BCKDHB: variants seen among roughly 807,000 people sequenced by gnomAD.
The protein encoded by BCKDHB is branched chain keto acid dehydrogenase E1 subunit beta.
Under a neutral mutation model 48.5 loss-of-function variants are expected in BCKDHB, and 41 were observed. That is an observed-to-expected ratio of 0.85 (90% CI 0.66 to 1.10). The LOEUF (loss-of-function observed/expected upper bound fraction) is 1.10. BCKDHB is among the 50% of genes least tolerant of loss of function. The probability of loss-of-function intolerance (pLI) is 0.00; values close to 1 mark genes in which losing one functional copy is unlikely to be tolerated. For missense variants in BCKDHB, 496 were observed against 494.2 expected, an observed-to-expected ratio of 1.00 and a Z score of -0.03; for synonymous variants, 201 against 174.8, an observed-to-expected ratio of 1.15 and a Z score of -1.18.
intron 6 of BCKDHB, among the ~76,000 whole-genome samples, chr6:80,178,030 C>T (rs916278593): frequency 9.9e-5 from 15 of 152,216 alleles, no homozygotes; most frequent in East Asian, 1.9e-4. Flanking sequence ...GTAGAACATA[C>T]TCTTTCCATG....
At chr6:80,239,128 G>A (rs1044706987) in intron 8 of BCKDHB, among the ~76,000 whole-genome samples, 5 of 152,086 alleles carry the variant, frequency 3.3e-5, no homozygotes, top group African/African-American at 9.7e-5. Context: ...TAATGAGATC[G>A]CTAGGTCAGA....
At chr6:80,260,233 T>C (rs1389728725) in intron 8 of BCKDHB, among the ~76,000 whole-genome samples, 1 of 139,618 alleles carries the variant, frequency 7.2e-6, no homozygotes, top group Non-Finnish European at 1.6e-5. Context: ...GTGTGTGGGG[T>C]AATAAAATAC....
intron 8 of BCKDHB, among the ~76,000 whole-genome samples, chr6:80,267,120 G>A (rs921308918): frequency 4.0e-5 from 6 of 151,828 alleles, no homozygotes; most frequent in Non-Finnish European, 7.4e-5. Context: ...TTTGCCATGT[G>A]CTGTGTTCTT....
chr6:80,300,976 A>G (rs188960945), intron 9 of BCKDHB, among the ~76,000 whole-genome samples: 2 of 152,274 alleles, frequency 1.3e-5, no homozygotes, highest in African/African-American at 2.4e-5. Flanking sequence ...AAATAAAAAA[A>G]ATTAGAAATT....
chr6:80,113,091 A>G (rs544777727), intron 1 of BCKDHB, among the ~76,000 whole-genome samples: 3 of 152,222 alleles, frequency 2.0e-5, no homozygotes, highest in Non-Finnish European at 4.4e-5. Flanking sequence ...TGGTTAACCT[A>G]TAGGATAATT....
At chr6:80,144,232 A>G (rs746972882) in intron 3 of BCKDHB, among the ~76,000 whole-genome samples, 7 of 152,164 alleles carry the variant, frequency 4.6e-5, no homozygotes, top group Non-Finnish European at 1.0e-4. Context: ...GATAGGATGG[A>G]CCTGAAAAGG....
chr6:80,188,683 A>G (rs866987151), intron 6 of BCKDHB, among the ~76,000 whole-genome samples: 8 of 152,030 alleles, frequency 5.3e-5, no homozygotes, highest in Non-Finnish European at 8.8e-5. Context: ...CAAACTACCA[A>G]TCGCTTACTA....
the BCKDHB span, among the ~76,000 whole-genome samples, chr6:80,396,426 C>T: frequency 6.6e-6 from 1 of 152,306 alleles, no homozygotes; most frequent in South Asian, 2.1e-4. Context: ...TCCCAGATGA[C>T]ACTTTGGACT....
At chr6:80,178,162 T>G (rs899845017) in intron 6 of BCKDHB, among the ~76,000 whole-genome samples, 5 of 152,214 alleles carry the variant, frequency 3.3e-5, no homozygotes, top group African/African-American at 1.2e-4. Flanking sequence ...TCTTTTCTGG[T>G]ATTTTCTACG....
chr6:80,423,450 C>G, the BCKDHB span, among the ~76,000 whole-genome samples: 2 of 152,144 alleles, frequency 1.3e-5, no homozygotes, highest in African/African-American at 4.8e-5. Flanking sequence ...GGGTTGGAAC[C>G]TCTTATTCCA....
At chr6:80,337,365 G>C (rs1026086510) in intron 9 of BCKDHB, among the ~76,000 whole-genome samples, 4 of 151,928 alleles carry the variant, frequency 2.6e-5, no homozygotes, top group African/African-American at 9.7e-5. Context: ...CATATTCTTA[G>C]AGTTTAACTC....
chr6:80,337,036 C>T (rs1351921858), intron 9 of BCKDHB, among the ~76,000 whole-genome samples: 1 of 152,002 alleles, frequency 6.6e-6, no homozygotes, highest in East Asian at 1.9e-4. Context: ...TCGTAAAGTT[C>T]TGTTTATTTA....
At chr6:80,211,942 A>C (rs1259135280) in intron 8 of BCKDHB, among the ~76,000 whole-genome samples, 1 of 152,172 alleles carries the variant, frequency 6.6e-6, no homozygotes, top group Non-Finnish European at 1.5e-5. Context: ...GAGTAGATAC[A>C]AAGATCACAT....
intron 9 of BCKDHB, among the ~76,000 whole-genome samples, chr6:80,327,951 A>AT (rs149063012): frequency 2.2e-5 from 2 of 92,796 alleles, no homozygotes; most frequent in East Asian, 3.4e-4. Flanking sequence ...CCTTCCTTTC[A>AT]TTTTTTCTCT....
intron 9 of BCKDHB, among the ~76,000 whole-genome samples, chr6:80,318,182 T>G (rs1768539369): frequency 6.6e-6 from 1 of 152,184 alleles, no homozygotes. Context: ...GATCTGAAAT[T>G]TATTTATTCA....
chr6:80,136,838 A>G (rs1433486981), intron 3 of BCKDHB, among the ~76,000 whole-genome samples: 1 of 152,180 alleles, frequency 6.6e-6, no homozygotes, highest in African/African-American at 2.4e-5. Context: ...ATAAATTACC[A>G]GTATATAAAT....
the BCKDHB span, chr6:80,355,967 G>A: frequency 6.6e-6 from 1 of 152,320 alleles, no homozygotes; most frequent in East Asian, 1.9e-4. Flanking sequence ...TTCTCCTCTT[G>A]TTGAGATACA....
the BCKDHB span, among the ~76,000 whole-genome samples, chr6:80,426,647 A>G: frequency 1.3e-5 from 2 of 152,072 alleles, no homozygotes; most frequent in African/African-American, 2.4e-5. Flanking sequence ...TCTTTCTGTT[A>G]TTAATTTCTA....
chr6:80,106,909 A>G lies in BCKDHB; in HGVS notation c.196+20A>G, dbSNP rs764118159. 5.7e-6 allele frequency: 9 copies of G among 1,590,948 alleles called. No individual in the cohort carries two copies. Among genetic ancestry groups the G allele is most frequent in the Non-Finnish European group, 7.7e-6 (9 of 1,169,880 alleles). ...AGTACGGTGAGCCCTGGGACTGCCC[A>G]CTCGGTCCCGCTGCAGCCCGGACTC... On this transcript the variant is annotated intron_variant, in intron 1 of 9. Transcript: ENST00000320393.
Sources: allele counts gnomAD v4.1 joint callset (sites outside exome capture counted in the v4.1 genomes callset), GRCh38; gene constraint gnomAD v4.1.1; transcripts MANE v1.5; gene names NCBI Gene and HGNC (gene_info 2026-07-23, HGNC 2026-07-21).